The following MGAT4C variants were observed in gnomAD, a reference collection of about 807,000 sequenced individuals.
MGAT4C encodes the protein alpha-1,3-mannosyl-glycoprotein 4-beta-N-acetylglucosaminyltransferase C.
MGAT4C carries 19 observed loss-of-function variants against 40.1 expected under a neutral mutation model. The observed-to-expected ratio is 0.47, with a 90% CI of 0.33 to 0.70. The LOEUF (loss-of-function observed/expected upper bound fraction) is 0.70, where lower values mean the gene tolerates loss of function less well. MGAT4C is among the 30% of genes least tolerant of loss of function. The pLI, the probability that MGAT4C is intolerant of heterozygous loss-of-function variation, is 0.02. For missense variants in MGAT4C, 491 were observed against 563.2 expected (o/e 0.87, Z 1.30); for synonymous variants, 181 against 187.1 (o/e 0.97, Z 0.27).
In MGAT4C at chr12:86,364,264, T is replaced by C. The variant is rs1955544417; in HGVS notation, c.-119-30137A>G. On this transcript the variant is annotated intron_variant, in intron 3 of 7. Transcript: ENST00000548651. ...AATCAGACAAAGCCACTACAACAAA[T>C]AAAAAGCACAGAACAATATCCCTCA... Among the ~76,000 whole-genome samples, 3 of 151,932 alleles carry C rather than the reference T, an allele frequency of 2.0e-5. No individual in the cohort carries two copies. The South Asian group carries it at 6.2e-4, about 32-fold the overall frequency.
intron 1 of MGAT4C, among the ~76,000 whole-genome samples, chr12:86,246,334 C>T (rs1271597551): frequency 1.3e-5 from 2 of 151,884 alleles, no homozygotes; most frequent in African/African-American, 2.4e-5. Context: ...TACAGGCGCC[C>T]GTCAACCATT....
chr12:86,293,838 C>T (rs1953589731), intron 4 of MGAT4C, among the ~76,000 whole-genome samples: 3 of 152,128 alleles, frequency 2.0e-5, no homozygotes, highest in Admixed American at 1.3e-4. Context: ...ATCCTCCTGA[C>T]CTGTGAAGAA....
intron 1 of MGAT4C, among the ~76,000 whole-genome samples, chr12:86,199,157 C>A (rs1165712517): frequency 6.6e-6 from 1 of 152,142 alleles, no homozygotes; most frequent in Non-Finnish European, 1.5e-5. Flanking sequence ...CTAGATTTTT[C>A]TTCATATGGC....
At chr12:86,176,492 T>C (rs192910129) in intron 1 of MGAT4C, among the ~76,000 whole-genome samples, 200 of 152,272 alleles carry the variant, frequency 1.3e-3, no homozygotes, top group African/African-American at 4.6e-3. Flanking sequence ...CATACAATTT[T>C]TGTGAGCTCC....
intron 3 of MGAT4C, among the ~76,000 whole-genome samples, chr12:86,407,150 C>T (rs1235197580): frequency 2.6e-5 from 4 of 151,986 alleles, no homozygotes; most frequent in Non-Finnish European, 5.9e-5. Flanking sequence ...AGATGAACAG[C>T]CAGGTGAAAA....
intron 3 of MGAT4C, among the ~76,000 whole-genome samples, chr12:86,382,080 G>A (rs1228297478): frequency 6.6e-6 from 1 of 152,204 alleles, no homozygotes; most frequent in African/African-American, 2.4e-5. Flanking sequence ...AATAGGCAGA[G>A]GTTGGAACAG....
chr12:86,254,217 AAAAT>A (rs1286034086), intron 1 of MGAT4C, among the ~76,000 whole-genome samples: 1 of 152,006 alleles, frequency 6.6e-6, no homozygotes, highest in African/African-American at 2.4e-5. Context: ...TCTTAAATTA[AAAAT>A]AATAATAAAA....
At chr12:86,337,896 T>C (rs955750792) in intron 3 of MGAT4C, among the ~76,000 whole-genome samples, 1 of 152,168 alleles carries the variant, frequency 6.6e-6, no homozygotes, top group Non-Finnish European at 1.5e-5. Context: ...TCACTTCATA[T>C]GTTTTATAAG....
At chr12:86,543,945 T>C (rs1959180498) in intron 2 of MGAT4C, among the ~76,000 whole-genome samples, 1 of 152,160 alleles carries the variant, frequency 6.6e-6, no homozygotes, top group Non-Finnish European at 1.5e-5. Context: ...TGCCACATGT[T>C]ATTTTCTACA....
At chr12:86,232,098 G>A (rs892414123) in intron 1 of MGAT4C, among the ~76,000 whole-genome samples, 6 of 145,002 alleles carry the variant, frequency 4.1e-5, no homozygotes, top group African/African-American at 1.5e-4. Flanking sequence ...TAGCGCCACC[G>A]TACTCCAGCC....
intron 1 of MGAT4C, among the ~76,000 whole-genome samples, chr12:86,198,568 T>C (rs183200219): frequency 1.3e-5 from 2 of 152,350 alleles, no homozygotes; most frequent in East Asian, 1.9e-4. Flanking sequence ...CTTCTCATTT[T>C]ACTGGGGTAT....
chr12:86,581,046 G>A (rs1352428546), intron 2 of MGAT4C, among the ~76,000 whole-genome samples: 1 of 151,368 alleles, frequency 6.6e-6, no homozygotes, highest in African/African-American at 2.4e-5. Flanking sequence ...TTCAGAGGTT[G>A]GGTATCTAAA....
chr12:86,010,308 T>C (rs1360805776), intron 2 of MGAT4C, among the ~76,000 whole-genome samples: 2 of 151,228 alleles, frequency 1.3e-5, no homozygotes, highest in East Asian at 3.9e-4. Context: ...ACTGCAAGAG[T>C]TCCTAAATAC....
intron 1 of MGAT4C, among the ~76,000 whole-genome samples, chr12:86,805,091 A>G (rs1045728165): frequency 2.0e-5 from 3 of 152,024 alleles, no homozygotes; most frequent in Admixed American, 2.0e-4. Context: ...TCCTTTGTGT[A>G]TCCATATTAA....
At chr12:86,489,057 G>A (rs1213230203) in intron 2 of MGAT4C, among the ~76,000 whole-genome samples, 1 of 152,090 alleles carries the variant, frequency 6.6e-6, no homozygotes, top group East Asian at 1.9e-4. Context: ...CCAGTCGAAT[G>A]TTGCCTTTTC....
chr12:86,554,114 G>A (rs7972598), intron 2 of MGAT4C, among the ~76,000 whole-genome samples: 7,999 of 112,664 alleles, frequency 0.071, 348 homozygotes, highest in East Asian at 0.25. Flanking sequence ...CACACAGCAC[G>A]TAAACACATA....
At chr12:86,405,065 A>T (rs1956437867) in intron 3 of MGAT4C, among the ~76,000 whole-genome samples, 1 of 152,062 alleles carries the variant, frequency 6.6e-6, no homozygotes, top group Non-Finnish European at 1.5e-5. Context: ...GTTTTCAGAA[A>T]CTATGAAAGA....
chr12:86,440,836 C>T (rs1444221947), intron 2 of MGAT4C, among the ~76,000 whole-genome samples: 1 of 151,858 alleles, frequency 6.6e-6, no homozygotes, highest in Non-Finnish European at 1.5e-5. Flanking sequence ...CAATAACAAC[C>T]AAGCTGAAAA....
intron 1 of MGAT4C, among the ~76,000 whole-genome samples, chr12:86,053,995 G>C (rs1282096934): frequency 1.3e-5 from 2 of 151,886 alleles, no homozygotes; most frequent in Non-Finnish European, 2.9e-5. Context: ...TGATGGTGGG[G>C]ATGTAAATTA....
Sources: gnomAD v4.1 joint callset for allele counts (sites outside exome capture counted in the v4.1 genomes callset) on GRCh38, gnomAD v4.1.1 for gene constraint, MANE v1.5 for transcripts, NCBI Gene and HGNC (gene_info 2026-07-23, HGNC 2026-07-21) for gene names.